Variants in GFRA1 observed in about 807,000 individuals in gnomAD.
GFRA1 encodes GDNF family receptor alpha 1, also known as GDNF family receptor alpha-1.
GFRA1 carries 16 observed loss-of-function variants against 51.6 expected under a neutral mutation model. The observed-to-expected ratio is 0.31, with a 90% CI of 0.21 to 0.47. The LOEUF (loss-of-function observed/expected upper bound fraction) is 0.47. GFRA1 is among the 20% of genes least tolerant of loss of function. The pLI, the probability that GFRA1 is intolerant of heterozygous loss-of-function variation, is 1.00. For missense variants in GFRA1, 530 were observed against 594.3 expected (o/e 0.89, Z 1.13); for synonymous variants, 270 against 241.3 (o/e 1.12, Z -1.10).
chr10:116,204,799 C>A (rs1964603299), intron 5 of GFRA1, among the ~76,000 whole-genome samples: 1 of 152,140 alleles, frequency 6.6e-6, no homozygotes, highest in Non-Finnish European at 1.5e-5. Context: ...GGATAAGTGG[C>A]AAGTCTCCAG....
chr10:116,111,713 T>C (rs1257642016), intron 6 of GFRA1, among the ~76,000 whole-genome samples: 3 of 152,188 alleles, frequency 2.0e-5, no homozygotes, highest in African/African-American at 7.2e-5. Context: ...CAGCAGGGAA[T>C]GGTAAGCCCA....
intron 8 of GFRA1, among the ~76,000 whole-genome samples, chr10:116,092,351 A>G (rs184165391): frequency 6.6e-6 from 1 of 152,272 alleles, no homozygotes; most frequent in Admixed American, 6.5e-5. Flanking sequence ...AATTTTTCCT[A>G]TCAACAAAGT....
chr10:116,173,416 T>C (rs1320318991), intron 5 of GFRA1, among the ~76,000 whole-genome samples: 1 of 152,196 alleles, frequency 6.6e-6, no homozygotes, highest in Non-Finnish European at 1.5e-5. Flanking sequence ...GGGTCCAGTG[T>C]CACACCTGCC....
chr10:116,119,714 A>G (rs990033476), intron 6 of GFRA1, among the ~76,000 whole-genome samples: 1 of 152,232 alleles, frequency 6.6e-6, no homozygotes, highest in African/African-American at 2.4e-5. Context: ...TTGATCTCTA[A>G]GATCCACAGT....
intron 4 of GFRA1, chr10:116,255,767 C>A: frequency 7.8e-7 from 1 of 1,284,650 alleles, no homozygotes; most frequent in Non-Finnish European, 1.0e-6. Context: ...CACTTTCTGG[C>A]CCACCACCAT....
chr10:116,258,407 T>TCA (rs1305424796), intron 4 of GFRA1, among the ~76,000 whole-genome samples: 1 of 7,836 alleles, frequency 1.3e-4, no homozygotes, highest in African/African-American at 1.4e-4. Flanking sequence ...ATAAAATATA[T>TCA]TATATTAATA....
rs548028763 is a variant in GFRA1, at chr10:116,267,882, AT to A, written c.418+1620del. ...TGGCATTACTCAGAGAAACATTTGA[AT>A]TCCTCTTACACTAAACTCGTATCCT... On this transcript the variant is annotated intron_variant, in intron 4 of 10. Coordinates refer to ENST00000355422, the MANE Select transcript of GFRA1 (RefSeq NM_005264.8). Among the ~76,000 whole-genome samples the A allele has an allele frequency of 1.7e-4, 26 of 152,192 alleles. 1 individual carries two copies. Among genetic ancestry groups the A allele is most frequent in the South Asian group, 1.5e-3 (7 of 4,826 alleles).
At chr10:116,098,031 G>T (rs1358892164) in intron 6 of GFRA1, among the ~76,000 whole-genome samples, 2 of 152,184 alleles carry the variant, frequency 1.3e-5, no homozygotes, top group African/African-American at 4.8e-5. Context: ...TGTTTGTGTG[G>T]GGTTCTCTCC....
chr10:116,132,872 G>A (rs541312282), intron 5 of GFRA1, among the ~76,000 whole-genome samples: 1 of 152,224 alleles, frequency 6.6e-6, no homozygotes, highest in African/African-American at 2.4e-5. Flanking sequence ...CACACCGCAC[G>A]GAGGATCAGG....
intron 5 of GFRA1, among the ~76,000 whole-genome samples, chr10:116,205,664 G>A (rs1173372296): frequency 4.0e-5 from 6 of 148,742 alleles, no homozygotes; most frequent in Non-Finnish European, 8.9e-5. Context: ...TTATAGCCAC[G>A]ACTTCAACAA....
chr10:116,111,969 G>A (rs1393067531), intron 6 of GFRA1, among the ~76,000 whole-genome samples: 1 of 152,146 alleles, frequency 6.6e-6, no homozygotes, highest in Non-Finnish European at 1.5e-5. Context: ...TCTGGCCCTC[G>A]GGGCCCTACA....
intron 5 of GFRA1, among the ~76,000 whole-genome samples, chr10:116,188,090 G>A (rs1156629962): frequency 1.3e-5 from 2 of 152,194 alleles, no homozygotes; most frequent in Non-Finnish European, 2.9e-5. Flanking sequence ...TACTGGGACA[G>A]AGGAAATGAA....
chr10:116,240,497 T>C (rs1487686660), intron 4 of GFRA1, among the ~76,000 whole-genome samples: 1 of 152,200 alleles, frequency 6.6e-6, no homozygotes, highest in Non-Finnish European at 1.5e-5. Flanking sequence ...TTGAAGGGTG[T>C]GAGTCCTACC....
At position 116,222,312 on chromosome 10, in the gene GFRA1, C is replaced by A. The variant is rs1965980563; in HGVS notation, c.419-10667G>T. 1.3e-5 allele frequency among the ~76,000 whole-genome samples: 2 copies of A among 152,158 alleles called. 1 individual carries two copies. The highest frequency in any genetic ancestry group is 4.1e-4 in the South Asian group (2 of 4,828). On this transcript the variant is annotated intron_variant, in intron 4 of 10. Transcript: ENST00000355422. Reference sequence around the variant, plus strand: ...CTTCTAGGTTCAAGCTATTCTCCTGCCTCAGCCTCCAAAGTAGCTGAGATT... The same window carrying A: ...CTTCTAGGTTCAAGCTATTCTCCTGACTCAGCCTCCAAAGTAGCTGAGATT...
intron 4 of GFRA1, among the ~76,000 whole-genome samples, chr10:116,247,729 T>C (rs1361234124): frequency 1.3e-5 from 2 of 152,258 alleles, no homozygotes; most frequent in East Asian, 1.9e-4. Context: ...CTATCTAAAA[T>C]AGTACCCACT....
intron 5 of GFRA1, among the ~76,000 whole-genome samples, chr10:116,140,728 G>A (rs906018300): frequency 1.3e-5 from 2 of 152,136 alleles, no homozygotes; most frequent in East Asian, 1.9e-4. Flanking sequence ...TCCTCTTTGT[G>A]TGCTAAAGAC....
chr10:116,188,382 A>C (rs1397947422), intron 5 of GFRA1, among the ~76,000 whole-genome samples: 2 of 152,230 alleles, frequency 1.3e-5, no homozygotes, highest in Non-Finnish European at 2.9e-5. Flanking sequence ...ATAGTTTATT[A>C]TTCCACTTAG....
intron 9 of GFRA1, among the ~76,000 whole-genome samples, chr10:116,079,025 C>T (rs954238086): frequency 6.6e-6 from 1 of 152,038 alleles, no homozygotes. Flanking sequence ...CCACTATGGT[C>T]GTTGGGCAAA....
chr10:116,071,767 T>G (rs556575717), intron 9 of GFRA1, among the ~76,000 whole-genome samples: 2 of 152,318 alleles, frequency 1.3e-5, no homozygotes, highest in South Asian at 4.1e-4. Flanking sequence ...CAAAATCACT[T>G]AGAAATGGTA....
Sources: gnomAD v4.1 joint callset for allele counts (sites outside exome capture counted in the v4.1 genomes callset) on GRCh38, gnomAD v4.1.1 for gene constraint, MANE v1.5 for transcripts, NCBI Gene and HGNC (gene_info 2026-07-23, HGNC 2026-07-21) for gene names.